RARG: variants seen among roughly 807,000 people sequenced by gnomAD.
RARG encodes the protein retinoic acid receptor gamma.
Under a neutral mutation model 43.7 loss-of-function variants are expected in RARG, and 17 were observed. The observed-to-expected ratio is 0.39, with a 90% CI of 0.27 to 0.58. RARG has a LOEUF of 0.58. Ranked by LOEUF, RARG falls within the 20% of genes least tolerant of loss-of-function variation. The pLI, the probability that RARG is intolerant of heterozygous loss-of-function variation, is 0.57. For synonymous variants in RARG, 238 were observed against 236.4 expected (o/e 1.01, Z -0.06); for missense variants, 346 against 598.7 (o/e 0.58, Z 4.40).
intron 3 of RARG, among the ~76,000 whole-genome samples, chr12:53,216,113 T>G (rs1241989365): frequency 6.6e-6 from 1 of 152,210 alleles, no homozygotes; most frequent in East Asian, 1.9e-4. Context: ...AATTGACTTC[T>G]CTGGGCCTGT....
rs750968133 is a variant in RARG, at chr12:53,214,271, C to G, written c.637-36G>C. On this transcript the variant is annotated intron_variant, in intron 6 of 9. Coordinates refer to ENST00000425354, the MANE Select transcript of RARG (RefSeq NM_000966.6). Reference sequence around the variant, plus strand: ...GAGGGGTAGAAGGTTGGAAGGCAAGCTAAGGCCCACCTCTGGGGGCTGTCT... The same window carrying G: ...GAGGGGTAGAAGGTTGGAAGGCAAGGTAAGGCCCACCTCTGGGGGCTGTCT... 97 of 1,583,228 alleles carry G rather than the reference C, an allele frequency of 6.1e-5. No homozygotes were observed. The Admixed American group carries it at 1.6e-3, about 26-fold the overall frequency.
chr12:53,230,643 G>A (rs1019471125), intron 2 of RARG, among the ~76,000 whole-genome samples: 2 of 152,042 alleles, frequency 1.3e-5, no homozygotes, highest in Non-Finnish European at 2.9e-5. Context: ...ACTAGCCCCA[G>A]GGAGGGGCAG....
chr12:53,228,420 A>T (rs763133314), intron 2 of RARG, among the ~76,000 whole-genome samples: 1 of 152,200 alleles, frequency 6.6e-6, no homozygotes, highest in Non-Finnish European at 1.5e-5. Context: ...CACATAGGAA[A>T]TGTGATGTAA....
In RARG at chr12:53,227,440, AC is replaced by A; in HGVS notation, c.105del (p.Ser36LeufsTer7). On this transcript the variant is annotated frameshift_variant, in exon 3 of 10. Coordinates refer to ENST00000425354, the MANE Select transcript of RARG (RefSeq NM_000966.6). LOFTEE classifies it high-confidence loss of function. The surrounding 1 kb of genome is among the most constrained non-coding windows in gnomAD (Gnocchi z 4.3). ...FPFAFPGALR[G>X]SPPFEMLSPS... ...GGGCTCAGCATCTCGAAAGGCGGAG[AC>A]CCCCTGAGTGCCCCTGGGAAGGCGA... 1.2e-6 allele frequency: 2 copies of A among 1,609,334 alleles called. No homozygotes were observed. The highest frequency in any genetic ancestry group is 1.7e-5 in the Admixed American group (1 of 59,412).
intron 9 of RARG, among the ~76,000 whole-genome samples, chr12:53,212,696 G>C (rs1192081032): frequency 1.4e-5 from 2 of 145,646 alleles, no homozygotes; most frequent in Non-Finnish European, 3.0e-5. Flanking sequence ...GATTAAAAAA[G>C]TAAAGCAATT....
At position 53,214,132 on chromosome 12, in the gene RARG, C is replaced by T. The variant is rs528795439; in HGVS notation, c.740G>A (p.Arg247Gln). Residue 247 changes from arginine to glutamine, a missense_variant, in exon 7 of 10, where the codon CGG (arginine) becomes CAG (glutamine). Physicochemically the swap from Arg to Gln is conservative, Grantham distance 43 (BLOSUM62 1). Transcript: ENST00000425354. ...CIIKIVEFAKRLPGFTGLSIA... is the reference protein window; with the variant it reads ...CIIKIVEFAKQLPGFTGLSIA... ...GCTGAGCCCTGTAAAGCCAGGCAAC[C>T]GCTTGGCAAACTCCACGATCTTGAT... 4 of 1,613,918 alleles carry T rather than the reference C, an allele frequency of 2.5e-6. No homozygotes were observed. The highest frequency in any genetic ancestry group is 2.2e-5 in the East Asian group (1 of 44,888).
In RARG at chr12:53,211,512, T is replaced by G; in HGVS notation, c.*164A>C. ...GGAGCCGGTTAGATCAGGAAGGGGATGAACACAGAGGCACCCCTAGAAACT... is the reference window on the plus strand; with the variant it reads ...GGAGCCGGTTAGATCAGGAAGGGGAGGAACACAGAGGCACCCCTAGAAACT... On this transcript the variant is annotated 3_prime_UTR_variant, in exon 10 of 10. Transcript: ENST00000425354. The surrounding 1 kb of genome is among the most constrained non-coding windows in gnomAD (Gnocchi z 4.6). 1 of 609,054 alleles carries G rather than the reference T, an allele frequency of 1.6e-6. No homozygotes were observed. The highest frequency in any genetic ancestry group is 2.6e-6 in the Non-Finnish European group (1 of 390,950). The allele number at this position is 609,054 out of a possible 1,614,324, so 37.7% of individuals were successfully genotyped here.
chr12:53,213,784 G>A lies in RARG; in HGVS notation c.814-84C>T. On this transcript the variant is annotated intron_variant, in intron 7 of 9. Transcript: ENST00000425354. The surrounding 1 kb of genome is among the most constrained non-coding windows in gnomAD (Gnocchi z 4.7). ...AATGAGTGGAAAGTGAGGAGGTTAG[G>A]TCCCCAGTGAGTGCAACCTGAAGCA... is the stretch of plus-strand genomic sequence containing the variant. 1.2e-5 allele frequency: 17 copies of A among 1,393,950 alleles called. No individual in the cohort carries two copies. Among genetic ancestry groups the A allele is most frequent in the Admixed American group, 5.6e-5 (3 of 53,536 alleles). 86.3% of individuals were successfully genotyped at this position (1,393,950 alleles called of 1,614,324 possible).
rs764043181 is a variant in RARG, at chr12:53,213,711, G to C, written c.814-11C>G. The C allele has an allele frequency of 6.2e-6, 10 of 1,605,090 alleles. No homozygotes were observed. Among genetic ancestry groups the C allele is most frequent in the South Asian group, 3.3e-5 (3 of 90,736 alleles). On this transcript the variant is annotated splice_polypyrimidine_tract_variant and intron_variant, in intron 7 of 9. Transcript: ENST00000425354. This position sits in a 1 kb window ranked among gnomAD's most constrained non-coding sequence, Gnocchi z 4.7. ...GCAGATACGCAGCATCTGGAGGTGG[G>C]GGGTGGAGGAGGGTTAGTGCTGTTT... is the stretch of plus-strand genomic sequence containing the variant.
At chr12:53,222,450 C>G (rs778640030) in intron 3 of RARG, among the ~76,000 whole-genome samples, 1 of 152,104 alleles carries the variant, frequency 6.6e-6, no homozygotes, top group Admixed American at 6.5e-5. Context: ...TCAGTACCCC[C>G]CTTCCCCCTC....
intron 3 of RARG, among the ~76,000 whole-genome samples, chr12:53,226,675 G>C (rs925713588): frequency 5.4e-5 from 8 of 149,334 alleles, no homozygotes; most frequent in African/African-American, 2.0e-4. Context: ...GCAGTGGCAA[G>C]ATCTTGGCTC....
intron 2 of RARG, among the ~76,000 whole-genome samples, chr12:53,228,963 C>A (rs1044353703): frequency 1.3e-5 from 2 of 152,130 alleles, no homozygotes; most frequent in Admixed American, 1.3e-4. Context: ...AGGCTTCCCT[C>A]TAAGAGTTTA....
In RARG at chr12:53,227,252, C is replaced by T; in HGVS notation, c.184+110G>A. The T allele has an allele frequency of 2.4e-6, 3 of 1,229,862 alleles. No individual in the cohort carries two copies. The highest frequency in any genetic ancestry group is 3.1e-5 in the African/African-American group (2 of 65,024). The allele number at this position is 1,229,862 out of a possible 1,614,324, so 76.2% of individuals were successfully genotyped here. On this transcript the variant is annotated intron_variant, in intron 3 of 9. Coordinates refer to ENST00000425354, the MANE Select transcript of RARG (RefSeq NM_000966.6). This position sits in a 1 kb window ranked among gnomAD's most constrained non-coding sequence, Gnocchi z 4.3. Reference sequence around the variant, plus strand: ...CACTACTACTCCATTAGGCCAAACCCCTGTCCCCTGCCTGCCTTCCTAACT... The same window carrying T: ...CACTACTACTCCATTAGGCCAAACCTCTGTCCCCTGCCTGCCTTCCTAACT...
At chr12:53,214,036 A>T in intron 7 of RARG, 23 bp downstream of exon 7, 1 of 1,591,144 alleles carries the variant, frequency 6.3e-7, no homozygotes, top group Non-Finnish European at 8.6e-7. Flanking sequence ...GGGCTGTGGC[A>T]GGACCCACAG....
At chr12:53,212,074 G>T (rs1942605795) in intron 9 of RARG, among the ~76,000 whole-genome samples, 1 of 152,154 alleles carries the variant, frequency 6.6e-6, no homozygotes, top group African/African-American at 2.4e-5. Context: ...TTCTCTACCA[G>T]GCTTGCTGCC....
intron 2 of RARG, chr12:53,229,884 G>C: frequency 1.1e-6 from 1 of 905,858 alleles, no homozygotes; most frequent in Non-Finnish European, 1.3e-6. Flanking sequence ...GGTCCCCACA[G>C]AGGGATGCTC....
chr12:53,219,990 T>G (rs565104488), intron 3 of RARG: 10 of 1,521,750 alleles, frequency 6.6e-6, no homozygotes, highest in Non-Finnish European at 8.8e-6. Flanking sequence ...AAGATTCAAG[T>G]CCGGCGAAAC....
intron 3 of RARG, among the ~76,000 whole-genome samples, chr12:53,225,778 G>A (rs1473745854): frequency 6.6e-6 from 1 of 152,184 alleles, no homozygotes; most frequent in East Asian, 1.9e-4. Context: ...GGGTCCCAGA[G>A]GGAGGAGGAG....
At chr12:53,225,340 TG>T (rs1260243615) in intron 3 of RARG, among the ~76,000 whole-genome samples, 3 of 152,198 alleles carry the variant, frequency 2.0e-5, no homozygotes, top group Non-Finnish European at 4.4e-5. Context: ...CTCCTCACAC[TG>T]ACTCTTTGTT....
Sources: gnomAD v4.1 joint callset for allele counts (sites outside exome capture counted in the v4.1 genomes callset) on GRCh38, gnomAD v4.1.1 for gene constraint, Gnocchi (gnomAD v3.1) non-coding constraint, MANE v1.5 for transcripts, NCBI Gene and HGNC (gene_info 2026-07-23, HGNC 2026-07-21) for gene names.